The following ADAMTS19 variants were observed in gnomAD, a reference collection of about 807,000 sequenced individuals.
ADAMTS19 encodes the protein A disintegrin and metalloproteinase with thrombospondin motifs 19.
Under a neutral mutation model 153.3 loss-of-function variants are expected in ADAMTS19, and 93 were observed. The observed-to-expected ratio is 0.61, with a 90% CI of 0.51 to 0.72. The LOEUF is 0.72. Ranked by LOEUF, ADAMTS19 falls within the 30% of genes least tolerant of loss-of-function variation. ADAMTS19 has a pLI of 0.00. For synonymous variants in ADAMTS19, 600 were observed against 556.6 expected (o/e 1.08, Z -1.10); for missense variants, 1,482 against 1,552.1 (o/e 0.95, Z 0.76).
At chr5:129,568,145 G>A (rs1459250542) in intron 7 of ADAMTS19, among the ~76,000 whole-genome samples, 1 of 152,158 alleles carries the variant, frequency 6.6e-6, no homozygotes, top group Non-Finnish European at 1.5e-5. Flanking sequence ...AAAGGAAGTA[G>A]TTCTAACAGA....
At chr5:129,481,825 G>A (rs991634032) in intron 2 of ADAMTS19, among the ~76,000 whole-genome samples, 3 of 152,132 alleles carry the variant, frequency 2.0e-5, no homozygotes, top group Middle Eastern at 3.2e-3. Flanking sequence ...TACACACTAC[G>A]TATAAATAGA....
At position 129,683,184 on chromosome 5, in the gene ADAMTS19, A is replaced by G. The variant is rs77639627; in HGVS notation, c.2665-936A>G. Among the ~76,000 whole-genome samples the G allele has an allele frequency of 4.2e-3, 620 of 146,374 alleles. 4 individuals carry two copies. The highest frequency in any genetic ancestry group is 0.02 in the East Asian group (100 of 4,966). On this transcript the variant is annotated intron_variant, in intron 17 of 22. Transcript: ENST00000274487. The stretch of plus-strand genomic sequence containing the variant: ...ACACATTTTCTAAAAATAGATGTAT[A>G]AAGAAATATATATATATACTCATTA...
intron 19 of ADAMTS19, among the ~76,000 whole-genome samples, chr5:129,697,187 ATC>A (rs1755597654): frequency 6.6e-6 from 1 of 152,066 alleles, no homozygotes; most frequent in African/African-American, 2.4e-5. Flanking sequence ...TAGTCTTAGG[ATC>A]TCTGTTTTAA....
chr5:129,683,028 A>G (rs1754893758), intron 17 of ADAMTS19, among the ~76,000 whole-genome samples: 3 of 152,036 alleles, frequency 2.0e-5, no homozygotes, highest in African/African-American at 7.2e-5. Flanking sequence ...TACTAAATAA[A>G]GTTCTTCAAT....
At chr5:129,607,315 T>C (rs565155844) in intron 8 of ADAMTS19, among the ~76,000 whole-genome samples, 1 of 152,334 alleles carries the variant, frequency 6.6e-6, no homozygotes, top group African/African-American at 2.4e-5. Flanking sequence ...TATTTACCTA[T>C]ATATAGGTTC....
chr5:129,661,048 T>C (rs1371307588), intron 15 of ADAMTS19, among the ~76,000 whole-genome samples: 3 of 152,226 alleles, frequency 2.0e-5, no homozygotes, highest in Non-Finnish European at 1.5e-5. Context: ...GATAAATTCC[T>C]AGATATCACG....
intron 2 of ADAMTS19, among the ~76,000 whole-genome samples, chr5:129,465,316 T>TG (rs1456012876): frequency 7.2e-5 from 11 of 151,880 alleles, no homozygotes; most frequent in African/African-American, 2.7e-4. Context: ...GTTTTTTTTT[T>TG]TTTTTTTCTA....
chr5:129,714,792 A>T (rs1220252036), intron 21 of ADAMTS19, among the ~76,000 whole-genome samples: 2 of 152,238 alleles, frequency 1.3e-5, no homozygotes, highest in East Asian at 1.9e-4. Context: ...TGAACATTTT[A>T]AAAAATGTTT....
At chr5:129,529,038 T>C (rs2126769549) in intron 6 of ADAMTS19, among the ~76,000 whole-genome samples, 1 of 152,194 alleles carries the variant, frequency 6.6e-6, no homozygotes, top group East Asian at 1.9e-4. Flanking sequence ...AGTAACCTAA[T>C]ATGTTAAATT....
intron 2 of ADAMTS19, among the ~76,000 whole-genome samples, chr5:129,493,191 G>T (rs1750822517): frequency 6.6e-6 from 1 of 152,056 alleles, no homozygotes; most frequent in Non-Finnish European, 1.5e-5. Context: ...AAGTTTGAAG[G>T]TCCCAGGTTC....
rs1047102718 is a variant in ADAMTS19, at chr5:129,704,492, G to A, written c.3312+101G>A. The A allele has an allele frequency of 4.4e-6, 6 of 1,363,134 alleles. No homozygotes were observed. The Admixed American group carries it at 7.0e-5, about 16-fold the overall frequency. 84.4% of individuals were successfully genotyped at this position (1,363,134 alleles called of 1,614,324 possible). On this transcript the variant is annotated intron_variant, in intron 21 of 22. Transcript: ENST00000274487. The stretch of plus-strand genomic sequence containing the variant: ...GCATGGAGTTTAGGAGGGAAGGAGA[G>A]TAGAATTAAACATCATGGGATATGG...
At chr5:129,524,650 C>T (rs1242793925) in intron 3 of ADAMTS19, among the ~76,000 whole-genome samples, 2 of 148,870 alleles carry the variant, frequency 1.3e-5, no homozygotes, top group Non-Finnish European at 3.0e-5. Flanking sequence ...AAGATATGAA[C>T]AGACACTTCT....
rs1752239317 is a variant in ADAMTS19 at position 129,630,486 on chromosome 5, A to G, written c.1770+8138A>G. On this transcript the variant is annotated intron_variant, in intron 10 of 22. Transcript: ENST00000274487. ...CATATGTGTACAATTGATTTCAACAAAAGTAACAAGGCAGTTGAATGGGTA... is the reference window on the plus strand; with the variant it reads ...CATATGTGTACAATTGATTTCAACAGAAGTAACAAGGCAGTTGAATGGGTA... Among the ~76,000 whole-genome samples, 3 of 152,112 alleles carry G rather than the reference A, an allele frequency of 2.0e-5. No individual in the cohort carries two copies. The South Asian group carries it at 6.2e-4, about 31-fold the overall frequency.
chr5:129,721,523 G>A (rs1757004206), intron 21 of ADAMTS19, among the ~76,000 whole-genome samples: 1 of 152,060 alleles, frequency 6.6e-6, no homozygotes, highest in African/African-American at 2.4e-5. Flanking sequence ...AAGGTAAATG[G>A]ACATTTCTTT....
intron 8 of ADAMTS19, among the ~76,000 whole-genome samples, chr5:129,613,543 A>T (rs6894604): frequency 0.086 from 13,039 of 152,026 alleles, 628 homozygotes; most frequent in Middle Eastern, 0.16. Flanking sequence ...GCAGTGTGTA[A>T]AGGGAAATTT....
intron 11 of ADAMTS19, among the ~76,000 whole-genome samples, 166 bp from the exon 12 acceptor site, chr5:129,647,599 A>G (rs1250382273): frequency 6.6e-6 from 1 of 152,208 alleles, no homozygotes; most frequent in African/African-American, 2.4e-5. Context: ...CAATTATATT[A>G]CTATGACAAA....
chr5:129,528,171 T>A (rs1418026621), intron 5 of ADAMTS19, among the ~76,000 whole-genome samples: 1 of 152,058 alleles, frequency 6.6e-6, no homozygotes, highest in South Asian at 2.1e-4. Context: ...GACATCATTT[T>A]GATATGCTGC....
At chr5:129,690,580 C>T (rs1241264036) in intron 18 of ADAMTS19, among the ~76,000 whole-genome samples, 4 of 151,916 alleles carry the variant, frequency 2.6e-5, no homozygotes, top group African/African-American at 4.8e-5. Flanking sequence ...CAGACAATAT[C>T]CTTAGGGAAT....
intron 8 of ADAMTS19, among the ~76,000 whole-genome samples, chr5:129,598,877 A>G (rs1237774022): frequency 6.6e-6 from 1 of 152,140 alleles, no homozygotes; most frequent in Non-Finnish European, 1.5e-5. Context: ...GAACTCACTT[A>G]TTTGAGAAGT....
Sources: allele counts gnomAD v4.1 joint callset (sites outside exome capture counted in the v4.1 genomes callset), GRCh38; gene constraint gnomAD v4.1.1; transcripts MANE v1.5; gene names NCBI Gene and HGNC (gene_info 2026-07-23, HGNC 2026-07-21).